Variants in EPHA5 observed in about 807,000 individuals in gnomAD.
EPHA5 encodes the protein EPH receptor A5.
Under a neutral mutation model 105.0 loss-of-function variants are expected in EPHA5, and 60 were observed. That is an observed-to-expected ratio of 0.57 (90% confidence interval 0.46 to 0.71). EPHA5 has a LOEUF of 0.71. EPHA5 is among the 30% of genes least tolerant of loss of function. The pLI, the probability that EPHA5 is intolerant of heterozygous loss-of-function variation, is 0.00. For synonymous variants in EPHA5, 513 were observed against 449.1 expected (o/e 1.14, Z -1.80); for missense variants, 1,218 against 1,274.7 (o/e 0.96, Z 0.68).
chr4:65,653,009 A>G (rs1748746400), intron 1 of EPHA5, among the ~76,000 whole-genome samples: 1 of 152,098 alleles, frequency 6.6e-6, no homozygotes, highest in East Asian at 1.9e-4. Context: ...CTATATTAAA[A>G]TAGAATTTAA....
chr4:65,475,387 T>C (rs1729695564), intron 5 of EPHA5, among the ~76,000 whole-genome samples: 1 of 152,184 alleles, frequency 6.6e-6, no homozygotes, highest in African/African-American at 2.4e-5. Context: ...AAATCCTTCT[T>C]TCCTCTAAGT....
At chr4:65,600,967 A>G (rs1431445703) in intron 3 of EPHA5, among the ~76,000 whole-genome samples, 3 of 152,142 alleles carry the variant, frequency 2.0e-5, no homozygotes, top group African/African-American at 7.2e-5. Flanking sequence ...AAAACAGAAA[A>G]AAAAATCCCC....
intron 8 of EPHA5, among the ~76,000 whole-genome samples, chr4:65,403,663 G>C (rs72641013): frequency 0.1 from 15,191 of 151,838 alleles, 985 homozygotes; most frequent in Middle Eastern, 0.23. Flanking sequence ...TAAGGAGGTT[G>C]ATTATGCTCA....
intron 2 of EPHA5, among the ~76,000 whole-genome samples, chr4:65,641,546 T>A (rs1011216918): frequency 6.6e-6 from 1 of 152,176 alleles, no homozygotes. Flanking sequence ...GTCTATATGT[T>A]TTTACTATCA....
At chr4:65,372,173 T>C (rs1718542159) in intron 8 of EPHA5, among the ~76,000 whole-genome samples, 1 of 151,962 alleles carries the variant, frequency 6.6e-6, no homozygotes, top group Admixed American at 6.6e-5. Context: ...TAAAGAATTT[T>C]ATATACTGCT....
intron 3 of EPHA5, among the ~76,000 whole-genome samples, chr4:65,512,537 A>C (rs1733723066): frequency 6.6e-6 from 1 of 151,926 alleles, no homozygotes; most frequent in African/African-American, 2.4e-5. Flanking sequence ...GGTTGTCCAA[A>C]AGTGTGCAGT....
At chr4:65,566,917 A>T (rs1348414229) in intron 3 of EPHA5, among the ~76,000 whole-genome samples, 2 of 151,244 alleles carry the variant, frequency 1.3e-5, no homozygotes, top group African/African-American at 4.8e-5. Flanking sequence ...CTTGTTTTTG[A>T]GGGTAAATAG....
intron 3 of EPHA5, among the ~76,000 whole-genome samples, chr4:65,547,075 A>T (rs1026468642): frequency 1.3e-5 from 2 of 152,096 alleles, no homozygotes; most frequent in African/African-American, 4.8e-5. Context: ...GTAATAACAG[A>T]TGCTCACAAA....
At chr4:65,552,491 G>T (rs1455578088) in intron 3 of EPHA5, among the ~76,000 whole-genome samples, 1 of 152,082 alleles carries the variant, frequency 6.6e-6, no homozygotes, top group East Asian at 1.9e-4. Context: ...TGCTACGCTT[G>T]ACTGACAAAT....
intron 3 of EPHA5, among the ~76,000 whole-genome samples, chr4:65,515,026 A>G (rs1173221521): frequency 2.0e-5 from 3 of 152,074 alleles, no homozygotes; most frequent in Admixed American, 6.6e-5. Context: ...TAGACATCCC[A>G]TTCTCCAACT....
chr4:65,477,648 A>T (rs10012441), intron 5 of EPHA5, among the ~76,000 whole-genome samples: 1 of 152,034 alleles, frequency 6.6e-6, no homozygotes, highest in African/African-American at 2.4e-5. Context: ...TCTTGACCTC[A>T]TGATCACCCC....
At chr4:65,519,650 C>T (rs1004152615) in intron 3 of EPHA5, among the ~76,000 whole-genome samples, 1 of 152,240 alleles carries the variant, frequency 6.6e-6, no homozygotes, top group East Asian at 1.9e-4. Flanking sequence ...CCCAAAATCT[C>T]CTTAAGCTGA....
chr4:65,503,955 C>A (rs1326815248), intron 3 of EPHA5, among the ~76,000 whole-genome samples: 1 of 137,594 alleles, frequency 7.3e-6, no homozygotes, highest in Non-Finnish European at 1.6e-5. Context: ...ATATATTTAA[C>A]CAAATTGTGG....
chr4:65,475,248 A>G (rs1729680520), intron 5 of EPHA5, among the ~76,000 whole-genome samples: 1 of 152,172 alleles, frequency 6.6e-6, no homozygotes, highest in South Asian at 2.1e-4. Context: ...TGACTAGCTT[A>G]ATATCTTTAA....
intron 11 of EPHA5, among the ~76,000 whole-genome samples, chr4:65,357,698 A>G (rs1723437063): frequency 6.6e-6 from 1 of 151,396 alleles, no homozygotes; most frequent in Non-Finnish European, 1.5e-5. Context: ...TTGCTGTTCA[A>G]TGTGTACAAA....
intron 1 of EPHA5, among the ~76,000 whole-genome samples, chr4:65,647,505 G>A (rs1426721261): frequency 2.0e-5 from 3 of 151,958 alleles, no homozygotes; most frequent in African/African-American, 4.8e-5. Context: ...GTTCTGAACA[G>A]TATATATGCT....
At chr4:65,424,251 T>C (rs1286432807) in intron 5 of EPHA5, among the ~76,000 whole-genome samples, 2 of 152,052 alleles carry the variant, frequency 1.3e-5, no homozygotes, top group African/African-American at 4.8e-5. Flanking sequence ...AATCCTGTCA[T>C]CAGTTGTATA....
At chr4:65,598,969 G>T (rs545177015) in intron 3 of EPHA5, among the ~76,000 whole-genome samples, 16 of 152,110 alleles carry the variant, frequency 1.1e-4, no homozygotes, top group Admixed American at 9.8e-4. Context: ...TGTGAAGGGG[G>T]GAGGTTTCAG....
intron 4 of EPHA5, among the ~76,000 whole-genome samples, chr4:65,493,561 G>A (rs987273583): frequency 6.6e-6 from 1 of 152,092 alleles, no homozygotes; most frequent in Non-Finnish European, 1.5e-5. Context: ...CATAGATTAT[G>A]TATTAGAAAG....
Sources: allele counts gnomAD v4.1 joint callset (sites outside exome capture counted in the v4.1 genomes callset), GRCh38; gene constraint gnomAD v4.1.1; transcripts MANE v1.5; gene names NCBI Gene and HGNC (gene_info 2026-07-23, HGNC 2026-07-21).